ANKRD33B: variants seen among roughly 807,000 people sequenced by gnomAD.
ANKRD33B encodes the protein ankyrin repeat domain-containing protein 33B.
A neutral mutation model predicts 21.5 loss-of-function variants in ANKRD33B; 6 were observed. That is an observed-to-expected ratio of 0.28 (90% CI 0.15 to 0.55). The LOEUF (loss-of-function observed/expected upper bound fraction) is 0.55, where lower values mean the gene tolerates loss of function less well. ANKRD33B is among the 20% of genes least tolerant of loss of function. The pLI is 0.94. For synonymous variants in ANKRD33B, 347 were observed against 342.4 expected (o/e 1.01, Z -0.15); for missense variants, 698 against 747.2 (o/e 0.93, Z 0.77).
chr5:10,625,580 C>T (rs748447762), intron 2 of ANKRD33B, among the ~76,000 whole-genome samples: 2 of 152,208 alleles, frequency 1.3e-5, no homozygotes, highest in Non-Finnish European at 2.9e-5. Context: ...GGCTCATGCC[C>T]GGTTCCCCAC....
At chr5:10,569,741 G>C (rs190721043) in intron 1 of ANKRD33B, among the ~76,000 whole-genome samples, 37 of 152,344 alleles carry the variant, frequency 2.4e-4, no homozygotes, top group African/African-American at 7.9e-4. Flanking sequence ...GCTGGAGTCA[G>C]AGGAGGTCTC....
intron 2 of ANKRD33B, among the ~76,000 whole-genome samples, chr5:10,630,899 T>C (rs991823226): frequency 1.4e-4 from 21 of 149,022 alleles, no homozygotes; most frequent in African/African-American, 3.2e-4. Context: ...AGAAGAAATA[T>C]AATGCTAATA....
chr5:10,618,232 C>T (rs972180796), intron 1 of ANKRD33B, 101 bp from the exon 2 acceptor site: 1 of 1,466,124 alleles, frequency 6.8e-7, no homozygotes, highest in Admixed American at 2.0e-5. Flanking sequence ...ATTGCCTTGT[C>T]CAGCCCCCTG....
At chr5:10,600,967 T>G (rs1735916151) in intron 1 of ANKRD33B, among the ~76,000 whole-genome samples, 1 of 146,972 alleles carries the variant, frequency 6.8e-6, no homozygotes, top group Non-Finnish European at 1.5e-5. Flanking sequence ...TAAAAAAAAA[T>G]CAAGTTAGAA....
In ANKRD33B at chr5:10,589,773, G is replaced by C. The variant is rs1735642786; in HGVS notation, c.366+24940G>C. 1.3e-5 allele frequency among the ~76,000 whole-genome samples: 2 copies of C among 152,082 alleles called. 1 individual carries two copies. The highest frequency in any genetic ancestry group is 4.1e-4 in the South Asian group (2 of 4,826). Reference sequence around the variant, plus strand: ...TTGTTTGGGGTTTATAGAGTTTCCTGAATATGCGGCTTGATATCTCTTGTC... The same window carrying C: ...TTGTTTGGGGTTTATAGAGTTTCCTCAATATGCGGCTTGATATCTCTTGTC... On this transcript the variant is annotated intron_variant, in intron 1 of 3. Transcript: ENST00000296657.
chr5:10,634,170 C>T (rs11743992), intron 2 of ANKRD33B, among the ~76,000 whole-genome samples: 26,981 of 152,202 alleles, frequency 0.18, 2,672 homozygotes, highest in South Asian at 0.3. Flanking sequence ...AAAAGACACC[C>T]GGATTCTGAG....
At chr5:10,606,453 T>G (rs10057216) in intron 1 of ANKRD33B, among the ~76,000 whole-genome samples, 58,324 of 151,990 alleles carry the variant, frequency 0.38, 11,506 homozygotes, top group Admixed American at 0.53. Flanking sequence ...ATACAAATAT[T>G]GGCCTGGCAC....
In ANKRD33B at chr5:10,615,137, G is replaced by C. The variant is rs899064195; in HGVS notation, c.367-3196G>C. 2.6e-5 allele frequency among the ~76,000 whole-genome samples: 4 copies of C among 152,164 alleles called. No homozygotes were observed. The South Asian group carries it at 8.3e-4, about 32-fold the overall frequency. On this transcript the variant is annotated intron_variant, in intron 1 of 3. Coordinates refer to ENST00000296657, the MANE Select transcript of ANKRD33B (RefSeq NM_001164440.2). ...GCCAGATACTTCCGGAACCCTGAGA[G>C]TGTCTCTCTTGTATCCACCTAGGGA...
intron 1 of ANKRD33B, among the ~76,000 whole-genome samples, chr5:10,565,780 G>A (rs1395797978): frequency 6.6e-6 from 1 of 152,264 alleles, no homozygotes; most frequent in East Asian, 1.9e-4. Context: ...TCTGTGCTCA[G>A]TGGGCAAATG....
At chr5:10,614,567 G>A (rs1350098878) in intron 1 of ANKRD33B, among the ~76,000 whole-genome samples, 1 of 152,124 alleles carries the variant, frequency 6.6e-6, no homozygotes. Flanking sequence ...CACTGCACCT[G>A]GCCTCATTTA....
At chr5:10,600,602 A>G (rs142723837) in intron 1 of ANKRD33B, among the ~76,000 whole-genome samples, 4 of 152,350 alleles carry the variant, frequency 2.6e-5, no homozygotes, top group Non-Finnish European at 2.9e-5. Flanking sequence ...TTGGGATATT[A>G]TGGATAAAGC....
Position 10,649,319 on chromosome 5 carries a change from G to A in ANKRD33B, c.691G>A (p.Ala231Thr). Residue 231 changes from alanine to threonine, a missense_variant, in exon 4 of 4, where the codon GCC becomes ACC. Ala to Thr is a moderately conservative substitution (Grantham distance 58, BLOSUM62 0). This residue lies in a region of ANKRD33B where 543 missense variants were observed against 566.5 expected (regional missense o/e 0.96). Coordinates refer to ENST00000296657, the MANE Select transcript of ANKRD33B (RefSeq NM_001164440.2). ...PRRGMSPQEWATYTGRVDAVR... is the reference protein window; with the variant it reads ...PRRGMSPQEWTTYTGRVDAVR... ...CCGTGGGATGTCGCCGCAGGAGTGG[G>A]CCACTTACACGGGCCGCGTGGATGC... 1 of 1,534,016 alleles carries A rather than the reference G, an allele frequency of 6.5e-7. No homozygotes were observed.
intron 1 of ANKRD33B, among the ~76,000 whole-genome samples, chr5:10,589,896 A>G (rs1735644852): frequency 6.7e-6 from 1 of 148,466 alleles, no homozygotes; most frequent in Non-Finnish European, 1.5e-5. Context: ...CACACATTAG[A>G]CCTTTTATAC....
chr5:10,618,344 T>G lies in ANKRD33B; in HGVS notation c.378T>G (p.Ile126Met). 3 of 1,537,544 alleles carry G rather than the reference T, an allele frequency of 2.0e-6. No homozygotes were observed. Among genetic ancestry groups the G allele is most frequent in the Non-Finnish European group, 2.6e-6 (3 of 1,147,056 alleles). Reference sequence around the variant, plus strand: ...CTCTTCATTTCTAGACCGGCCTTATTGTCGCCTGCTACCACGGCTTTGTGG... The same window carrying G: ...CTCTTCATTTCTAGACCGGCCTTATGGTCGCCTGCTACCACGGCTTTGTGG... Reference protein sequence around the residue: ...ETDRNGRTGLIVACYHGFVDT... With the variant: ...ETDRNGRTGLMVACYHGFVDT... The change falls in exon 2 of 4, where the codon ATT becomes ATG. Residue 126 changes from isoleucine to methionine, a missense_variant. This residue lies in a region of ANKRD33B where 543 missense variants were observed against 566.5 expected (regional missense o/e 0.96). Transcript: ENST00000296657.
chr5:10,636,708 A>C (rs1381521257), intron 2 of ANKRD33B, among the ~76,000 whole-genome samples: 6 of 152,138 alleles, frequency 3.9e-5, no homozygotes, highest in South Asian at 2.1e-4. Flanking sequence ...TATTCCCAAG[A>C]GTTTCAGACC....
intron 1 of ANKRD33B, among the ~76,000 whole-genome samples, chr5:10,605,018 G>T (rs1012575278): frequency 5.9e-5 from 9 of 152,238 alleles, no homozygotes; most frequent in Non-Finnish European, 7.3e-5. Context: ...GGCTGTAGTT[G>T]TCTGAAGGCT....
In ANKRD33B at chr5:10,575,096, AAAC is replaced by A. The variant is rs1320749488; in HGVS notation, c.366+10266_366+10268del. Among the ~76,000 whole-genome samples the A allele has an allele frequency of 4.6e-4, 24 of 51,760 alleles. 10 individuals are homozygous for A. Among genetic ancestry groups the A allele is most frequent in the Admixed American group, 1.2e-3 (4 of 3,222 alleles). 34.0% of individuals were successfully genotyped at this position (51,760 alleles called of 152,430 possible). ...CAATGAAACCCTGTTTCCAAGAAAC[AAAC>A]AAACAAACAAACAAACAATTCTCAC... On this transcript the variant is annotated intron_variant, in intron 1 of 3. Transcript: ENST00000296657.
chr5:10,598,240 G>C (rs2126566435), intron 1 of ANKRD33B, among the ~76,000 whole-genome samples: 1 of 152,192 alleles, frequency 6.6e-6, no homozygotes, highest in South Asian at 2.1e-4. Flanking sequence ...TCAATGCCTT[G>C]TTGCGTTTTA....
Position 10,649,420 on chromosome 5 carries a change from G to T in ANKRD33B, c.792G>T (p.Pro264=), listed in dbSNP as rs1267882951. ...QFWEKYRPEL[P]PPPEAARKPA... Reference sequence around the variant, plus strand: ...GGGAGAAGTACCGGCCCGAGCTGCCGCCGCCCCCTGAAGCGGCGCGGAAGC... The same window carrying T: ...GGGAGAAGTACCGGCCCGAGCTGCCTCCGCCCCCTGAAGCGGCGCGGAAGC... Residue 264 remains proline, a synonymous_variant, in exon 4 of 4, where the codon CCG becomes CCT. Coordinates refer to ENST00000296657, the MANE Select transcript of ANKRD33B (RefSeq NM_001164440.2). 32 of 1,535,288 alleles carry T rather than the reference G, an allele frequency of 2.1e-5. No homozygotes were observed. Among genetic ancestry groups the T allele is most frequent in the Non-Finnish European group, 2.7e-5 (31 of 1,146,534 alleles).
Sources: gnomAD v4.1 joint callset for allele counts (sites outside exome capture counted in the v4.1 genomes callset) on GRCh38, gnomAD v4.1.1 for gene constraint, gnomAD v4.1.1 regional missense constraint, MANE v1.5 for transcripts, NCBI Gene and HGNC (gene_info 2026-07-23, HGNC 2026-07-21) for gene names.